Variants in LRP1B observed in about 807,000 individuals in gnomAD.
LRP1B encodes the protein LDL receptor related protein 1B.
Under a neutral mutation model 556.6 loss-of-function variants are expected in LRP1B, and 217 were observed. The observed-to-expected ratio is 0.39, with a 90% confidence interval of 0.35 to 0.44. LRP1B has a LOEUF of 0.44. LRP1B is among the 20% of genes least tolerant of loss of function. LRP1B has a pLI of 1.00. For missense variants in LRP1B, 5,053 were observed against 5,620.8 expected, an observed-to-expected ratio of 0.90 and a Z score of 3.23; for synonymous variants, 2,047 against 1,865.8, an observed-to-expected ratio of 1.10 and a Z score of -2.50.
chr2:140,334,971 A>T (rs1362450769), intron 78 of LRP1B, among the ~76,000 whole-genome samples: 1 of 152,058 alleles, frequency 6.6e-6, no homozygotes, highest in African/African-American at 2.4e-5. Context: ...CTATTTTCCC[A>T]AACAGAAATT....
chr2:140,607,990 T>C (rs1682931365), intron 41 of LRP1B, among the ~76,000 whole-genome samples: 1 of 151,890 alleles, frequency 6.6e-6, no homozygotes, highest in East Asian at 1.9e-4. Context: ...CATCAGTAAA[T>C]ACATTAATAA....
At chr2:141,027,158 A>G (rs965637046) in intron 11 of LRP1B, among the ~76,000 whole-genome samples, 17 of 152,136 alleles carry the variant, frequency 1.1e-4, no homozygotes, top group African/African-American at 4.1e-4. Flanking sequence ...TAAGGTTACT[A>G]CAGTAGAGGA....
Position 140,426,871 on chromosome 2 carries a change from C to G in LRP1B, c.10414+15633G>C, listed in dbSNP as rs534646704. On this transcript the variant is annotated intron_variant, in intron 66 of 90. Transcript: ENST00000389484. ...CAATCCCCTGTCTTCCTGCTCTTTG[C>G]TCTGTGAGAAAGATCCACCTACCAC... Among the ~76,000 whole-genome samples the G allele has an allele frequency of 2.0e-5, 3 of 152,290 alleles. No homozygotes were observed. The South Asian group carries it at 6.2e-4, about 32-fold the overall frequency.
At chr2:142,027,338 TAAG>T (rs962423071) in intron 1 of LRP1B, among the ~76,000 whole-genome samples, 3 of 151,738 alleles carry the variant, frequency 2.0e-5, no homozygotes, top group Admixed American at 2.0e-4. Flanking sequence ...AGAATTAGGT[TAAG>T]AAGTGAGTAG....
intron 32 of LRP1B, among the ~76,000 whole-genome samples, chr2:140,786,796 C>A (rs1689920961): frequency 1.3e-5 from 2 of 152,084 alleles, no homozygotes; most frequent in Non-Finnish European, 2.9e-5. Flanking sequence ...TCTAGGGTTA[C>A]ACAGAGAAGA....
intron 7 of LRP1B, among the ~76,000 whole-genome samples, chr2:141,071,769 A>G (rs1369185757): frequency 6.6e-6 from 1 of 152,202 alleles, no homozygotes; most frequent in Non-Finnish European, 1.5e-5. Context: ...TTCAAAGAGA[A>G]TAAAATACCT....
chr2:141,565,194 T>C (rs2105253867), intron 2 of LRP1B, among the ~76,000 whole-genome samples: 1 of 152,236 alleles, frequency 6.6e-6, no homozygotes, highest in Middle Eastern at 3.4e-3. Flanking sequence ...TACTGTGAAT[T>C]CAAGAATTCA....
At chr2:140,242,702 A>G (rs886539264) in intron 87 of LRP1B, among the ~76,000 whole-genome samples, 6 of 151,036 alleles carry the variant, frequency 4.0e-5, no homozygotes, top group Non-Finnish European at 8.9e-5. Flanking sequence ...CTGAGGCTTA[A>G]GGAGCAAATC....
At chr2:141,425,895 C>A (rs1191090470) in intron 3 of LRP1B, among the ~76,000 whole-genome samples, 14 of 150,486 alleles carry the variant, frequency 9.3e-5, no homozygotes, top group Non-Finnish European at 1.5e-4. Flanking sequence ...ATGGTAGTTT[C>A]TTTTGCTGTG....
chr2:141,026,353 A>T (rs1175723217), intron 11 of LRP1B, among the ~76,000 whole-genome samples: 2 of 152,098 alleles, frequency 1.3e-5, no homozygotes, highest in Non-Finnish European at 2.9e-5. Context: ...TTAAACATTC[A>T]AAAAGTTGCA....
intron 58 of LRP1B, among the ~76,000 whole-genome samples, chr2:140,486,508 A>AAAG (rs1464680589): frequency 1.3e-5 from 2 of 151,950 alleles, no homozygotes; most frequent in Non-Finnish European, 1.5e-5. Context: ...ACATAACCTT[A>AAAG]TGTAAATAGG....
At chr2:141,698,277 G>A (rs1247856736) in intron 2 of LRP1B, among the ~76,000 whole-genome samples, 4 of 151,638 alleles carry the variant, frequency 2.6e-5, no homozygotes, top group Admixed American at 1.3e-4. Flanking sequence ...TCCTGCTCTC[G>A]CACATCTTCC....
intron 1 of LRP1B, among the ~76,000 whole-genome samples, chr2:141,912,911 G>T (rs1699941152): frequency 6.6e-6 from 1 of 152,134 alleles, no homozygotes; most frequent in African/African-American, 2.4e-5. Context: ...GCTGATACAT[G>T]TTTAACTCTA....
chr2:141,301,445 C>A (rs777388927), intron 3 of LRP1B, among the ~76,000 whole-genome samples: 39 of 152,196 alleles, frequency 2.6e-4, no homozygotes, highest in South Asian at 6.2e-4. Context: ...GGAAAACTAG[C>A]CTTAGCCTCC....
intron 46 of LRP1B, among the ~76,000 whole-genome samples, chr2:140,535,062 C>T (rs1690888751): frequency 6.6e-6 from 1 of 152,112 alleles, no homozygotes; most frequent in African/African-American, 2.4e-5. Context: ...TTTCGTATGG[C>T]TCTGGGACTA....
At chr2:140,823,970 G>GA (rs1280507097) in intron 31 of LRP1B, among the ~76,000 whole-genome samples, 1 of 151,562 alleles carries the variant, frequency 6.6e-6, no homozygotes, top group Non-Finnish European at 1.5e-5. Flanking sequence ...GAGAGGAGCA[G>GA]AAAAAAATAG....
At chr2:140,429,813 G>A (rs969483466) in intron 66 of LRP1B, among the ~76,000 whole-genome samples, 1 of 152,006 alleles carries the variant, frequency 6.6e-6, no homozygotes, top group Non-Finnish European at 1.5e-5. Flanking sequence ...AATACTTTTG[G>A]ACACCCTCAA....
intron 7 of LRP1B, among the ~76,000 whole-genome samples, chr2:141,170,374 G>A (rs563779713): frequency 2.0e-5 from 3 of 152,144 alleles, no homozygotes; most frequent in South Asian, 2.1e-4. Flanking sequence ...CATGGTTATG[G>A]GGATACTGGT....
At chr2:141,234,105 A>G (rs1373727313) in intron 5 of LRP1B, among the ~76,000 whole-genome samples, 1 of 152,156 alleles carries the variant, frequency 6.6e-6, no homozygotes, top group Non-Finnish European at 1.5e-5. Flanking sequence ...GATAAAACAG[A>G]AAGTTGTAAT....
Sources: allele counts gnomAD v4.1 joint callset (sites outside exome capture counted in the v4.1 genomes callset), GRCh38; gene constraint gnomAD v4.1.1; transcripts MANE v1.5; gene names NCBI Gene and HGNC (gene_info 2026-07-23, HGNC 2026-07-21).